The following SYNPO2 variants were observed in gnomAD, a reference collection of about 807,000 sequenced individuals.
SYNPO2 encodes synaptopodin 2.
A neutral mutation model predicts 85.0 loss-of-function variants in SYNPO2; 56 were observed. The ratio of observed to expected loss-of-function variants is 0.66; its 90% confidence interval spans 0.53 to 0.82. The LOEUF (loss-of-function observed/expected upper bound fraction) is 0.82, where lower values mean the gene tolerates loss of function less well. Ranked by LOEUF, SYNPO2 falls within the 40% of genes least tolerant of loss-of-function variation. SYNPO2 has a pLI of 0.00. For missense variants in SYNPO2, 1,575 were observed against 1,534.2 expected, an observed-to-expected ratio of 1.03 and a Z score of -0.44; for synonymous variants, 602 against 591.1, an observed-to-expected ratio of 1.02 and a Z score of -0.27.
chr4:118,950,763 A>C (rs75861847), intron 1 of SYNPO2, among the ~76,000 whole-genome samples: 4,924 of 152,326 alleles, frequency 0.032, 144 homozygotes, highest in East Asian at 0.14. Context: ...GAGGTCCCAC[A>C]TGCCAGAGCA....
At chr4:118,911,372 T>A (rs1273015309) in intron 1 of SYNPO2, among the ~76,000 whole-genome samples, 3 of 152,192 alleles carry the variant, frequency 2.0e-5, no homozygotes, top group Non-Finnish European at 4.4e-5. Context: ...GGAATTTCTC[T>A]GCTTCTCTCT....
At chr4:119,018,366 T>C (rs1314296957) in intron 1 of SYNPO2, among the ~76,000 whole-genome samples, 3 of 152,210 alleles carry the variant, frequency 2.0e-5, no homozygotes, top group Non-Finnish European at 4.4e-5. Context: ...CTTGGGTTGA[T>C]TCCATATCTT....
At chr4:118,965,366 C>T (rs1392989952) in intron 1 of SYNPO2, among the ~76,000 whole-genome samples, 6 of 152,108 alleles carry the variant, frequency 3.9e-5, no homozygotes, top group African/African-American at 9.7e-5. Flanking sequence ...ATCCATCTCC[C>T]GGTTCTACTC....
intron 2 of SYNPO2, 60 bp downstream of exon 2, chr4:119,023,641 C>T: frequency 4.5e-6 from 7 of 1,552,276 alleles, no homozygotes; most frequent in Non-Finnish European, 6.1e-6. Context: ...ATGATTATAG[C>T]TTTTACTACA....
intron 1 of SYNPO2, among the ~76,000 whole-genome samples, chr4:118,900,699 CTCTCTA>C (rs1325933066): frequency 1.1e-3 from 32 of 29,402 alleles, no homozygotes; most frequent in African/African-American, 1.8e-3. Flanking sequence ...CTCTCTCTCT[CTCTCTA>C]TATATATATA....
intron 4 of SYNPO2, among the ~76,000 whole-genome samples, chr4:119,051,194 T>TTTG (rs1739029062): frequency 1.5e-5 from 2 of 135,962 alleles, no homozygotes; most frequent in African/African-American, 5.5e-5. Flanking sequence ...CAATTTTTTT[T>TTTG]TTTTTTTTTT....
intron 1 of SYNPO2, among the ~76,000 whole-genome samples, chr4:118,851,458 G>A (rs1449491074): frequency 6.6e-6 from 1 of 151,980 alleles, no homozygotes; most frequent in African/African-American, 2.4e-5. Context: ...TTGCACTCCA[G>A]CCTGGGCAAC....
intron 1 of SYNPO2, among the ~76,000 whole-genome samples, chr4:118,958,277 G>A (rs2149146032): frequency 6.6e-6 from 1 of 152,232 alleles, no homozygotes; most frequent in Non-Finnish European, 1.5e-5. Context: ...CGTGTATGTT[G>A]GGGTTGGGGG....
chr4:119,052,061 C>T (rs1739067824), intron 4 of SYNPO2, among the ~76,000 whole-genome samples: 1 of 152,190 alleles, frequency 6.6e-6, no homozygotes, highest in African/African-American at 2.4e-5. Context: ...TAGAGAACTT[C>T]ATGGGAGATA....
intron 4 of SYNPO2, chr4:119,036,923 T>C: frequency 2.5e-6 from 3 of 1,199,154 alleles, no homozygotes; most frequent in Non-Finnish European, 3.1e-6. Context: ...ATAAAGTGCA[T>C]CCCAAGTATA....
intron 1 of SYNPO2, among the ~76,000 whole-genome samples, chr4:118,905,973 G>A (rs1015713759): frequency 2.0e-5 from 3 of 152,102 alleles, no homozygotes; most frequent in Non-Finnish European, 4.4e-5. Context: ...CACTTATGTT[G>A]TCACCCTGCT....
At chr4:118,887,922 A>C (rs2149112256), upstream of SYNPO2, among the ~76,000 whole-genome samples, 1 of 152,344 alleles carries the variant, frequency 6.6e-6, no homozygotes, top group Middle Eastern at 3.4e-3. Context: ...ATGTGGATGA[A>C]TGTTATGGAA....
intron 1 of SYNPO2, among the ~76,000 whole-genome samples, chr4:118,893,580 A>G (rs1043091622): frequency 6.6e-6 from 1 of 152,192 alleles, no homozygotes; most frequent in Non-Finnish European, 1.5e-5. Flanking sequence ...GGTGCCCGAG[A>G]GGATAAAAGT....
At chr4:118,864,900 T>C (rs2110567960) in intron 1 of SYNPO2, among the ~76,000 whole-genome samples, 1 of 152,326 alleles carries the variant, frequency 6.6e-6, no homozygotes, top group East Asian at 1.9e-4. Flanking sequence ...ATAAGTAAGA[T>C]ACTGATAGCT....
chr4:118,883,797 G>T (rs1732153741), intron 1 of SYNPO2, among the ~76,000 whole-genome samples: 2 of 151,670 alleles, frequency 1.3e-5, no homozygotes, highest in East Asian at 3.9e-4. Flanking sequence ...CAGGGCTCTG[G>T]TTTCATTTTT....
intron 1 of SYNPO2, among the ~76,000 whole-genome samples, chr4:119,002,229 G>A (rs775219452): frequency 1.4e-4 from 22 of 151,970 alleles, no homozygotes; most frequent in Non-Finnish European, 2.9e-4. Flanking sequence ...CTGTCCTCCT[G>A]GTATTTTAAA....
chr4:118,853,390 C>A (rs181516305), intron 1 of SYNPO2, among the ~76,000 whole-genome samples: 16 of 152,086 alleles, frequency 1.1e-4, no homozygotes, highest in Non-Finnish European at 1.8e-4. Flanking sequence ...TTCCCCCCCT[C>A]CTGATTTAAA....
intron 3 of SYNPO2, among the ~76,000 whole-genome samples, chr4:119,029,185 A>G (rs561719481): frequency 6.6e-6 from 1 of 152,176 alleles, no homozygotes; most frequent in Admixed American, 6.5e-5. Context: ...CAATAATGTC[A>G]TATTTTGAAT....
At chr4:118,965,024 C>T (rs1490510) in intron 1 of SYNPO2, among the ~76,000 whole-genome samples, 129,042 of 152,074 alleles carry the variant, frequency 0.85, 54,851 homozygotes, top group Middle Eastern at 0.94. Flanking sequence ...TCAGCTCTGC[C>T]CTGACTTCCT....
Sources: gnomAD v4.1 joint callset for allele counts (sites outside exome capture counted in the v4.1 genomes callset) on GRCh38, gnomAD v4.1.1 for gene constraint, MANE v1.5 for transcripts, NCBI Gene and HGNC (gene_info 2026-07-23, HGNC 2026-07-21) for gene names.